PEX13: variants seen among roughly 807,000 people sequenced by gnomAD.
The protein encoded by PEX13 is peroxisomal biogenesis factor 13, also known as peroxisome biogenesis factor 13.
PEX13 carries 28 observed loss-of-function variants against 34.5 expected under a neutral mutation model. The observed-to-expected ratio is 0.81, with a 90% CI of 0.60 to 1.11. The LOEUF (loss-of-function observed/expected upper bound fraction) is 1.11, where lower values mean the gene tolerates loss of function less well. Among genes scored for constraint, PEX13 ranks in the 50% most tolerant of loss-of-function variants. The pLI, the probability that PEX13 is intolerant of heterozygous loss-of-function variation, is 0.00. For synonymous variants in PEX13, 177 were observed against 175.1 expected (o/e 1.01, Z -0.09); for missense variants, 550 against 491.0 (o/e 1.12, Z -1.13).
intron 2 of PEX13, among the ~76,000 whole-genome samples, chr2:61,035,123 A>C (rs1680514768): frequency 6.6e-6 from 1 of 152,218 alleles, no homozygotes; most frequent in African/African-American, 2.4e-5. Context: ...TTGCAGAGGA[A>C]GGATCAGGCA....
chr2:61,039,672 A>G (rs1442331521), intron 2 of PEX13, among the ~76,000 whole-genome samples: 3 of 152,234 alleles, frequency 2.0e-5, no homozygotes, highest in Non-Finnish European at 1.5e-5. Context: ...CCTTCAGGAC[A>G]TAGGCATGGG....
chr2:61,038,031 T>TA (rs1366089117), intron 2 of PEX13, among the ~76,000 whole-genome samples: 1 of 152,092 alleles, frequency 6.6e-6, no homozygotes, highest in African/African-American at 2.4e-5. Flanking sequence ...CCTGGACACA[T>TA]ACACCCTCCC....
At chr2:61,038,867 A>C (rs547607797) in intron 2 of PEX13, among the ~76,000 whole-genome samples, 7 of 152,232 alleles carry the variant, frequency 4.6e-5, no homozygotes, top group Non-Finnish European at 7.3e-5. Context: ...CCATTGTGTC[A>C]GCCCAAAATC....
chr2:61,035,011 C>T (rs1680512927), intron 2 of PEX13, among the ~76,000 whole-genome samples: 1 of 152,242 alleles, frequency 6.6e-6, no homozygotes, highest in African/African-American at 2.4e-5. Flanking sequence ...CAGACTGCTT[C>T]CTCAAGCAGG....
rs1358661644 is a variant in PEX13, at chr2:61,051,869, T to C, written c.*3099T>C. On this transcript the variant is annotated 3_prime_UTR_variant, in exon 4 of 4. Coordinates refer to ENST00000295030, the MANE Select transcript of PEX13 (RefSeq NM_002618.4). ...AATTACACATTTACTTGAACACAGCTATCCTTTATCTTGTGCTTTCTTTAA... is the reference window on the plus strand; with the variant it reads ...AATTACACATTTACTTGAACACAGCCATCCTTTATCTTGTGCTTTCTTTAA... The C allele has an allele frequency of 1.3e-5, 2 of 152,378 alleles. No homozygotes were observed. Among genetic ancestry groups the C allele is most frequent in the Non-Finnish European group, 2.9e-5 (2 of 68,042 alleles). The allele number at this position is 152,378 out of a possible 1,614,324, so 9.4% of individuals were successfully genotyped here.
rs566469322 is a variant in PEX13, at chr2:61,036,765, A to G, written c.787+4652A>G. On this transcript the variant is annotated intron_variant, in intron 2 of 3. Coordinates refer to ENST00000295030, the MANE Select transcript of PEX13 (RefSeq NM_002618.4). ...ACATCATAATGAATGACAGGATCAGATTCACACATAACAATGTTAACCTTA... is the reference window on the plus strand; with the variant it reads ...ACATCATAATGAATGACAGGATCAGGTTCACACATAACAATGTTAACCTTA... 2.6e-5 allele frequency among the ~76,000 whole-genome samples: 4 copies of G among 152,352 alleles called. No individual in the cohort carries two copies. In the South Asian group the frequency reaches 8.3e-4, roughly 32 times the overall value.
chr2:61,048,959 C>T lies in PEX13; in HGVS notation c.*189C>T. ...GGTGACCTGGTTACATTTTATTATA[C>T]ACATTATTGGACCATAAGGACATTT... On this transcript the variant is annotated 3_prime_UTR_variant, in exon 4 of 4. Transcript: ENST00000295030. The T allele has an allele frequency of 1.7e-6, 1 of 598,118 alleles. No homozygotes were observed. The highest frequency in any genetic ancestry group is 3.0e-6 in the Non-Finnish European group (1 of 338,586). 37.1% of individuals were successfully genotyped at this position (598,118 alleles called of 1,614,324 possible). A position where few individuals can be genotyped will look rare whatever the true frequency, so the allele number is the denominator to read the frequency against.
chr2:61,029,529 G>A (rs906926526), intron 1 of PEX13, among the ~76,000 whole-genome samples: 11 of 152,248 alleles, frequency 7.2e-5, no homozygotes, highest in Non-Finnish European at 1.3e-4. Flanking sequence ...ATTTGTAATA[G>A]CCAAGAAGTA....
Position 61,051,156 on chromosome 2 carries a change from T to C in PEX13, c.*2386T>C, listed in dbSNP as rs1196321726. On this transcript the variant is annotated 3_prime_UTR_variant, in exon 4 of 4. Transcript: ENST00000295030. ...AAATTTATTTATCTTTGGCCAGTTT[T>C]CCAACACCCAGGTATTAGCCTTGAA... 1 of 152,270 alleles carries C rather than the reference T, an allele frequency of 6.6e-6. No homozygotes were observed. Among genetic ancestry groups the C allele is most frequent in the Non-Finnish European group, 1.5e-5 (1 of 68,054 alleles). The allele number at this position is 152,270 out of a possible 1,614,324, so 9.4% of individuals were successfully genotyped here.
chr2:61,021,395 A>G (rs1180512297), intron 1 of PEX13, among the ~76,000 whole-genome samples: 2 of 152,178 alleles, frequency 1.3e-5, no homozygotes, highest in East Asian at 3.8e-4. Flanking sequence ...CGGATCCTAT[A>G]CCCATGGAGC....
At chr2:61,018,050 G>C in intron 1 of PEX13, 199 bp downstream of exon 1, 2 of 1,473,026 alleles carry the variant, frequency 1.4e-6, no homozygotes, top group African/African-American at 1.4e-5. Context: ...TGACCCGGCA[G>C]CTCTAATCAG....
At chr2:61,048,427 T>C (rs373275260) in intron 3 of PEX13, 45 bp from the exon 4 acceptor site, 13 of 1,530,640 alleles carry the variant, frequency 8.5e-6, no homozygotes, top group Non-Finnish European at 1.1e-5. Context: ...CTGTTGGACC[T>C]CCAAAGTATA....
At chr2:61,039,338 C>T (rs1048595758) in intron 2 of PEX13, among the ~76,000 whole-genome samples, 33 of 152,290 alleles carry the variant, frequency 2.2e-4, no homozygotes, top group African/African-American at 7.2e-4. Flanking sequence ...TACCTGACTT[C>T]AAACTATACT....
Position 61,040,855 on chromosome 2 carries a change from A to G in PEX13, c.788-4871A>G, listed in dbSNP as rs567851396. 2.0e-4 allele frequency among the ~76,000 whole-genome samples: 29 copies of G among 148,290 alleles called. No individual in the cohort carries two copies. The East Asian group carries it at 5.6e-3, about 29-fold the overall frequency. ...TGTATATATATAAAAAAGTATATAT[A>G]TGTGTATATATATAAAAAAGGTATA... On this transcript the variant is annotated intron_variant, in intron 2 of 3. Transcript: ENST00000295030.
At chr2:61,044,852 C>G (rs1366388592) in intron 2 of PEX13, among the ~76,000 whole-genome samples, 1 of 152,198 alleles carries the variant, frequency 6.6e-6, no homozygotes, top group Non-Finnish European at 1.5e-5. Flanking sequence ...CAAGCAGTAT[C>G]TCCATTCCCA....
intron 2 of PEX13, among the ~76,000 whole-genome samples, chr2:61,036,358 A>G (rs1023909886): frequency 5.3e-5 from 8 of 152,232 alleles, no homozygotes; most frequent in Non-Finnish European, 8.8e-5. Flanking sequence ...AATGAAGGAA[A>G]AAATGTTAAG....
chr2:61,039,743 G>C (rs1054967263), intron 2 of PEX13, among the ~76,000 whole-genome samples: 57 of 152,048 alleles, frequency 3.7e-4, no homozygotes, highest in African/African-American at 1.2e-3. Context: ...TAGACAGATG[G>C]GATCTAATTA....
chr2:61,027,194 C>T (rs954875894), intron 1 of PEX13, among the ~76,000 whole-genome samples: 7 of 149,580 alleles, frequency 4.7e-5, no homozygotes, highest in Non-Finnish European at 8.9e-5. Context: ...AAAAAAAAGG[C>T]AGGCATGGTG....
chr2:61,033,309 G>A lies in PEX13; in HGVS notation c.787+1196G>A, dbSNP rs559379458. 4.6e-5 allele frequency among the ~76,000 whole-genome samples: 7 copies of A among 152,258 alleles called. 1 individual carries two copies. In the East Asian group the frequency reaches 1.2e-3, roughly 25 times the overall value. On this transcript the variant is annotated intron_variant, in intron 2 of 3. Coordinates refer to ENST00000295030, the MANE Select transcript of PEX13 (RefSeq NM_002618.4). ...ATAATGAAGACCCAAAATAGAGTGT[G>A]TGAGAAGCAGGATTCATATAATAGA... is the stretch of plus-strand genomic sequence containing the variant.
Sources: gnomAD v4.1 joint callset for allele counts (sites outside exome capture counted in the v4.1 genomes callset) on GRCh38, gnomAD v4.1.1 for gene constraint, MANE v1.5 for transcripts, NCBI Gene and HGNC (gene_info 2026-07-23, HGNC 2026-07-21) for gene names.